NRG3: variants seen among roughly 807,000 people sequenced by gnomAD.
The protein encoded by NRG3 is neuregulin 3, also known as pro-neuregulin-3, membrane-bound isoform.
A neutral mutation model predicts 66.9 loss-of-function variants in NRG3; 31 were observed. The observed-to-expected ratio is 0.46, with a 90% CI of 0.35 to 0.63. The LOEUF (loss-of-function observed/expected upper bound fraction) is 0.63, where lower values mean the gene tolerates loss of function less well. NRG3 is among the 20% of genes least tolerant of loss of function. The probability of loss-of-function intolerance (pLI) is 0.00; values close to 1 mark genes in which losing one functional copy is unlikely to be tolerated. For synonymous variants in NRG3, 393 were observed against 359.4 expected (o/e 1.09, Z -1.06); for missense variants, 910 against 878.9 (o/e 1.04, Z -0.45).
At chr10:82,356,510 G>T (rs191786369) in intron 1 of NRG3, among the ~76,000 whole-genome samples, 38 of 152,284 alleles carry the variant, frequency 2.5e-4, no homozygotes, top group Middle Eastern at 3.4e-3. Flanking sequence ...CTGTGTGACT[G>T]TTTATCACGT....
chr10:81,975,316 T>TA (rs1283632626), intron 1 of NRG3, among the ~76,000 whole-genome samples: 2 of 7,434 alleles, frequency 2.7e-4, no homozygotes, highest in East Asian at 4.0e-3. Context: ...TTGTGTAACA[T>TA]CTATCTATCT....
intron 3 of NRG3, among the ~76,000 whole-genome samples, chr10:82,857,861 T>C (rs1425469377): frequency 6.6e-6 from 1 of 152,200 alleles, no homozygotes; most frequent in Non-Finnish European, 1.5e-5. Flanking sequence ...AGCCCTGCAA[T>C]TAACATCCTA....
intron 5 of NRG3, among the ~76,000 whole-genome samples, chr10:82,955,853 A>G (rs546171739): frequency 6.6e-6 from 1 of 152,060 alleles, no homozygotes; most frequent in South Asian, 2.1e-4. Context: ...CTCATGTTCC[A>G]TTCTGGTATT....
At chr10:81,890,852 C>T (rs981916104) in intron 1 of NRG3, among the ~76,000 whole-genome samples, 2 of 152,136 alleles carry the variant, frequency 1.3e-5, no homozygotes, top group African/African-American at 4.8e-5. Flanking sequence ...TGATCTTTGG[C>T]CAGTGATACT....
At chr10:82,146,458 T>A (rs2070269231) in intron 1 of NRG3, among the ~76,000 whole-genome samples, 1 of 150,954 alleles carries the variant, frequency 6.6e-6, no homozygotes, top group Non-Finnish European at 1.5e-5. Context: ...GCTCAGTCAT[T>A]CAAGAAGTGT....
At chr10:82,849,398 T>C (rs1011586553) in intron 3 of NRG3, among the ~76,000 whole-genome samples, 14 of 152,196 alleles carry the variant, frequency 9.2e-5, no homozygotes, top group African/African-American at 3.4e-4. Flanking sequence ...CCCTCTACTT[T>C]CTGGTGCTTT....
intron 2 of NRG3, among the ~76,000 whole-genome samples, chr10:82,633,843 A>G (rs2133751217): frequency 6.6e-6 from 1 of 152,298 alleles, no homozygotes; most frequent in Admixed American, 6.5e-5. Context: ...TTATTTGACC[A>G]TCAATTTTTT....
At chr10:82,947,345 A>G (rs760329962) in intron 4 of NRG3, among the ~76,000 whole-genome samples, 3 of 152,114 alleles carry the variant, frequency 2.0e-5, no homozygotes, top group Non-Finnish European at 4.4e-5. Context: ...TAATTTGATT[A>G]TCCATTTACC....
At chr10:82,716,186 A>G (rs1305275011) in intron 2 of NRG3, among the ~76,000 whole-genome samples, 3 of 152,206 alleles carry the variant, frequency 2.0e-5, no homozygotes, top group Non-Finnish European at 4.4e-5. Context: ...AATTATATAG[A>G]AAACAACGAC....
At chr10:82,109,881 A>G (rs1159869565) in intron 1 of NRG3, among the ~76,000 whole-genome samples, 4 of 152,156 alleles carry the variant, frequency 2.6e-5, no homozygotes, top group Non-Finnish European at 4.4e-5. Context: ...CTTGTAAGCA[A>G]TCAACTTGGC....
intron 2 of NRG3, among the ~76,000 whole-genome samples, chr10:82,580,241 G>T (rs2046276846): frequency 6.6e-6 from 1 of 151,870 alleles, no homozygotes; most frequent in South Asian, 2.1e-4. Flanking sequence ...TGCTAAATAT[G>T]TAAATATCTT....
At chr10:82,820,731 A>G (rs1018303271) in intron 3 of NRG3, among the ~76,000 whole-genome samples, 2 of 152,202 alleles carry the variant, frequency 1.3e-5, no homozygotes, top group Admixed American at 6.5e-5. Flanking sequence ...AAAACTAGCT[A>G]TTTCTAAGTG....
intron 2 of NRG3, among the ~76,000 whole-genome samples, chr10:82,663,103 G>C (rs1446408114): frequency 6.6e-6 from 1 of 152,174 alleles, no homozygotes; most frequent in Non-Finnish European, 1.5e-5. Flanking sequence ...ATATCGGATA[G>C]GTAACTAGCA....
rs71009805 is a variant in NRG3 at position 82,306,703 on chromosome 10, T to TAAAAA, written c.824-52007_824-52003dup. Among the ~76,000 whole-genome samples, 11 of 35,906 alleles carry TAAAAA rather than the reference T, an allele frequency of 3.1e-4. 1 individual carries two copies. Among genetic ancestry groups the TAAAAA allele is most frequent in the Non-Finnish European group, 4.5e-4 (9 of 20,096 alleles). 23.6% of individuals were successfully genotyped at this position (35,906 alleles called of 152,430 possible). A position where few individuals can be genotyped will look rare whatever the true frequency, so the allele number is the denominator to read the frequency against. On this transcript the variant is annotated intron_variant, in intron 1 of 8. Coordinates refer to ENST00000372141, the MANE Select transcript of NRG3 (RefSeq NM_001010848.4). ...TGGGCGACAGAGTGAGACTCCGTCT[T>TAAAAA]AAAAAAAAAAAAAAAAAAAAAAAAA...
At chr10:82,143,087 A>G (rs986298928) in intron 1 of NRG3, among the ~76,000 whole-genome samples, 3 of 151,814 alleles carry the variant, frequency 2.0e-5, no homozygotes, top group Non-Finnish European at 4.4e-5. Context: ...CTTTTTTAAT[A>G]ACACAAAGAC....
intron 2 of NRG3, among the ~76,000 whole-genome samples, chr10:82,634,004 C>G (rs74886208): frequency 0.042 from 6,334 of 152,204 alleles, 439 homozygotes; most frequent in African/African-American, 0.14. Context: ...ACATTGATAA[C>G]CAAAGTTCAG....
intron 2 of NRG3, among the ~76,000 whole-genome samples, chr10:82,385,686 G>C (rs1047383724): frequency 1.3e-5 from 2 of 152,108 alleles, no homozygotes; most frequent in South Asian, 2.1e-4. Flanking sequence ...ATAAAGAGGG[G>C]ATTGTTGCTA....
chr10:82,746,774 A>C (rs901250945), intron 3 of NRG3, among the ~76,000 whole-genome samples: 1 of 150,690 alleles, frequency 6.6e-6, no homozygotes, highest in African/African-American at 2.5e-5. Context: ...ATTACACAAT[A>C]TACTCATTTG....
At chr10:82,137,734 T>C (rs2069474696) in intron 1 of NRG3, among the ~76,000 whole-genome samples, 1 of 152,206 alleles carries the variant, frequency 6.6e-6, no homozygotes, top group Admixed American at 6.5e-5. Context: ...AGCAAGAATT[T>C]GTTATGCATC....
Sources: gnomAD v4.1 joint callset for allele counts (sites outside exome capture counted in the v4.1 genomes callset) on GRCh38, gnomAD v4.1.1 for gene constraint, MANE v1.5 for transcripts, NCBI Gene and HGNC (gene_info 2026-07-23, HGNC 2026-07-21) for gene names.